MGMT: variants seen among roughly 807,000 people sequenced by gnomAD.
MGMT encodes the protein methylated-DNA--protein-cysteine methyltransferase.
A neutral mutation model predicts 15.9 loss-of-function variants in MGMT; 14 were observed. The ratio of observed to expected loss-of-function variants is 0.88; its 90% CI spans 0.58 to 1.37. MGMT has a LOEUF of 1.37. Ranked by LOEUF, MGMT falls within the 40% of genes most tolerant of loss-of-function variation. MGMT has a pLI of 0.00. For missense variants in MGMT, 282 were observed against 268.1 expected (o/e 1.05, Z -0.36); for synonymous variants, 130 against 118.2 (o/e 1.10, Z -0.65).
At chr10:129,583,937 G>A (rs1410918466) in intron 2 of MGMT, among the ~76,000 whole-genome samples, 1 of 152,156 alleles carries the variant, frequency 6.6e-6, no homozygotes, top group African/African-American at 2.4e-5. Flanking sequence ...AGAAAGTGAG[G>A]CAGGACGTGG....
chr10:129,625,374 C>A (rs1014212090), intron 2 of MGMT, among the ~76,000 whole-genome samples: 2 of 152,180 alleles, frequency 1.3e-5, no homozygotes, highest in Admixed American at 1.3e-4. Flanking sequence ...AAGACCAACA[C>A]AACCATGACA....
At position 129,606,495 on chromosome 10, in the gene MGMT, C is replaced by T. The variant is rs184714836; in HGVS notation, c.125+70118C>T. Among the ~76,000 whole-genome samples, 369 of 152,232 alleles carry T rather than the reference C, an allele frequency of 2.4e-3. 2 individuals are homozygous for T. The highest frequency in any genetic ancestry group is 8.4e-3 in the African/African-American group (350 of 41,530). ...GTCTCTGTAAACATGCTGTGGGCAC[C>T]GAGGGCCTCCGCACCCGGCGCTAGG... On this transcript the variant is annotated intron_variant, in intron 2 of 4. Coordinates refer to ENST00000651593, the MANE Select transcript of MGMT (RefSeq NM_002412.5).
intron 2 of MGMT, among the ~76,000 whole-genome samples, chr10:129,636,593 C>A (rs1435606470): frequency 1.3e-5 from 2 of 152,184 alleles, no homozygotes; most frequent in Admixed American, 1.3e-4. Context: ...AATGGGCATT[C>A]TTGTCTTGTT....
At chr10:129,553,049 A>T (rs1251733677) in intron 2 of MGMT, among the ~76,000 whole-genome samples, 2 of 152,220 alleles carry the variant, frequency 1.3e-5, no homozygotes, top group African/African-American at 4.8e-5. Context: ...TGGATCCACC[A>T]CGATGTCTCC....
At chr10:129,615,965 G>A (rs1002018474) in intron 2 of MGMT, among the ~76,000 whole-genome samples, 3 of 152,190 alleles carry the variant, frequency 2.0e-5, no homozygotes, top group African/African-American at 7.2e-5. Context: ...GGGTGTTGAA[G>A]AGGAATCTTT....
At chr10:129,644,980 A>T (rs1244011857) in intron 2 of MGMT, among the ~76,000 whole-genome samples, 1 of 152,180 alleles carries the variant, frequency 6.6e-6, no homozygotes, top group African/African-American at 2.4e-5. Flanking sequence ...GGACGTCCAG[A>T]TAATGAACCT....
At chr10:129,689,567 G>A (rs891159900) in intron 2 of MGMT, among the ~76,000 whole-genome samples, 5 of 152,232 alleles carry the variant, frequency 3.3e-5, no homozygotes, top group African/African-American at 1.2e-4. Flanking sequence ...AGACAGTGGT[G>A]TGATGGAGCA....
chr10:129,608,319 C>T (rs533810298), intron 2 of MGMT, among the ~76,000 whole-genome samples: 41 of 152,318 alleles, frequency 2.7e-4, no homozygotes, highest in Non-Finnish European at 5.0e-4. Context: ...AGTTAGTCAT[C>T]GAGTTAGATT....
chr10:129,654,381 C>A (rs950547212), intron 2 of MGMT, among the ~76,000 whole-genome samples: 3 of 152,152 alleles, frequency 2.0e-5, no homozygotes, highest in Non-Finnish European at 4.4e-5. Context: ...CCACACTCTC[C>A]CATGTCTTTG....
intron 1 of MGMT, among the ~76,000 whole-genome samples, chr10:129,480,947 C>T (rs1845351452): frequency 6.6e-6 from 1 of 152,242 alleles, no homozygotes; most frequent in South Asian, 2.1e-4. Context: ...GTGGCAGCGT[C>T]ATTCTGGTTT....
At chr10:129,646,754 A>ATATATATATATTTTTTTTTTTTTT in intron 2 of MGMT, among the ~76,000 whole-genome samples, 11 of 86,634 alleles carry the variant, frequency 1.3e-4, no homozygotes, top group Admixed American at 3.6e-4. Flanking sequence ...ATATATATAT[A>ATATATATATATTTTTTTTTTTTTT]TTTTCAGGGA....
intron 1 of MGMT, among the ~76,000 whole-genome samples, chr10:129,523,598 G>T (rs1235832044): frequency 3.3e-5 from 5 of 152,188 alleles, no homozygotes; most frequent in Non-Finnish European, 7.3e-5. Flanking sequence ...GTTCACACAA[G>T]ACTTGGGGTT....
chr10:129,750,946 G>A (rs969640131), intron 3 of MGMT, among the ~76,000 whole-genome samples: 1 of 151,946 alleles, frequency 6.6e-6, no homozygotes, highest in African/African-American at 2.4e-5. Context: ...TATATTGCTG[G>A]ATTTGATTTG....
chr10:129,750,323 G>A (rs557920272), intron 3 of MGMT, among the ~76,000 whole-genome samples: 210 of 152,090 alleles, frequency 1.4e-3, no homozygotes, highest in African/African-American at 4.6e-3. Flanking sequence ...CTTCTTTTTC[G>A]TGTGATGTCT....
chr10:129,650,265 G>A (rs1847441571), intron 2 of MGMT, among the ~76,000 whole-genome samples: 3 of 152,150 alleles, frequency 2.0e-5, no homozygotes, highest in South Asian at 2.1e-4. Flanking sequence ...TTGCACGTTC[G>A]TAATTGTGAA....
intron 3 of MGMT, among the ~76,000 whole-genome samples, chr10:129,726,416 G>A (rs1357725963): frequency 2.0e-5 from 3 of 152,082 alleles, no homozygotes; most frequent in African/African-American, 2.4e-5. Flanking sequence ...TGGGTTGCCC[G>A]CCCATGGGTG....
chr10:129,494,145 A>G (rs964309587), intron 1 of MGMT, among the ~76,000 whole-genome samples: 7 of 152,200 alleles, frequency 4.6e-5, no homozygotes, highest in Admixed American at 4.6e-4. Context: ...AGAAGTCAAA[A>G]CACAGGGAAG....
chr10:129,645,118 C>CTTTTTTTTT (rs10606297), intron 2 of MGMT, among the ~76,000 whole-genome samples: 48 of 121,922 alleles, frequency 3.9e-4, no homozygotes, highest in Non-Finnish European at 5.0e-4. Flanking sequence ...CCTGAAAGCC[C>CTTTTTTTTT]TTTTTTTTTT....
chr10:129,720,123 C>T (rs1323794160), intron 3 of MGMT, among the ~76,000 whole-genome samples: 1 of 152,216 alleles, frequency 6.6e-6, no homozygotes, highest in Admixed American at 6.5e-5. Flanking sequence ...AGCCCCGCAG[C>T]TGTTCAGAAG....
Sources: allele counts gnomAD v4.1 joint callset (sites outside exome capture counted in the v4.1 genomes callset), GRCh38; gene constraint gnomAD v4.1.1; transcripts MANE v1.5; gene names NCBI Gene and HGNC (gene_info 2026-07-23, HGNC 2026-07-21).